Variants in DENND1A observed in about 807,000 individuals in gnomAD.
The protein encoded by DENND1A is DENN domain-containing protein 1A.
Under a neutral mutation model 113.7 loss-of-function variants are expected in DENND1A, and 51 were observed. That is an observed-to-expected ratio of 0.45 (90% CI 0.36 to 0.57). The LOEUF is 0.57. Among genes scored for constraint, DENND1A ranks in the 20% least tolerant of loss-of-function variants. The probability of loss-of-function intolerance (pLI) is 0.00; values close to 1 mark genes in which losing one functional copy is unlikely to be tolerated. For missense variants in DENND1A, 1,258 were observed against 1,395.9 expected (o/e 0.90, Z 1.57); for synonymous variants, 565 against 570.8 (o/e 0.99, Z 0.14).
intron 5 of DENND1A, among the ~76,000 whole-genome samples, chr9:123,750,393 T>G (rs1017121707): frequency 6.6e-6 from 1 of 152,182 alleles, no homozygotes; most frequent in East Asian, 1.9e-4. Context: ...TCCCACAAAC[T>G]GATGTTCTGA....
intron 11 of DENND1A, among the ~76,000 whole-genome samples, chr9:123,583,506 G>A (rs2059021684): frequency 6.6e-6 from 1 of 152,148 alleles, no homozygotes; most frequent in Non-Finnish European, 1.5e-5. Flanking sequence ...GTTCACAGAG[G>A]CTCAGTAACA....
At chr9:123,798,433 T>G (rs1371129793) in intron 2 of DENND1A, 1 of 152,158 alleles carries the variant, frequency 6.6e-6, no homozygotes, top group African/African-American at 2.4e-5. Context: ...ACCAATTAAG[T>G]GAATCAACAA....
chr9:123,766,756 T>C, intron 4 of DENND1A, among the ~76,000 whole-genome samples: 1 of 152,230 alleles, frequency 6.6e-6, no homozygotes. Flanking sequence ...TGAGATAATA[T>C]ATGAGGAAGC....
At chr9:123,493,497 C>T (rs1221401135) in intron 13 of DENND1A, among the ~76,000 whole-genome samples, 2 of 152,146 alleles carry the variant, frequency 1.3e-5, no homozygotes, top group Non-Finnish European at 1.5e-5. Flanking sequence ...GCCCAGAGAG[C>T]GGGGCCATCA....
chr9:123,763,446 G>C (rs2071212953), intron 4 of DENND1A, among the ~76,000 whole-genome samples: 1 of 152,182 alleles, frequency 6.6e-6, no homozygotes, highest in African/African-American at 2.4e-5. Flanking sequence ...AGATCCAAGA[G>C]TTCCATTTGG....
intron 9 of DENND1A, among the ~76,000 whole-genome samples, chr9:123,641,069 T>A (rs975332746): frequency 6.6e-6 from 1 of 152,176 alleles, no homozygotes; most frequent in Non-Finnish European, 1.5e-5. Context: ...GATTTCATGG[T>A]CTAACCTCAT....
chr9:123,470,563 T>C (rs73575569), intron 13 of DENND1A, among the ~76,000 whole-genome samples: 15,186 of 152,118 alleles, frequency 0.1, 818 homozygotes, highest in African/African-American at 0.11. Context: ...AGCAACAGAA[T>C]CTATCTGAAA....
intron 13 of DENND1A, among the ~76,000 whole-genome samples, chr9:123,470,894 T>C (rs1158541272): frequency 6.6e-6 from 1 of 152,176 alleles, no homozygotes; most frequent in Non-Finnish European, 1.5e-5. Flanking sequence ...GAGTCTCTGG[T>C]GTTGAAACGG....
At chr9:123,592,923 T>A (rs149644166) in intron 11 of DENND1A, among the ~76,000 whole-genome samples, 85 of 152,344 alleles carry the variant, frequency 5.6e-4, no homozygotes, top group African/African-American at 1.9e-3. Flanking sequence ...AGTTAATATA[T>A]GTGTAATACC....
chr9:123,578,866 T>TTG (rs991336939), intron 12 of DENND1A, among the ~76,000 whole-genome samples: 4 of 151,338 alleles, frequency 2.6e-5, no homozygotes, highest in South Asian at 2.1e-4. Context: ...GTGCATGTGT[T>TTG]TGTGTGTGTG....
At chr9:123,465,516 A>T (rs368594599) in intron 13 of DENND1A, among the ~76,000 whole-genome samples, 2 of 152,158 alleles carry the variant, frequency 1.3e-5, no homozygotes, top group Admixed American at 6.5e-5. Context: ...CAATTATACA[A>T]TGCCAACCTA....
At chr9:123,433,037 A>G (rs2046252817) in intron 19 of DENND1A, among the ~76,000 whole-genome samples, 2 of 152,244 alleles carry the variant, frequency 1.3e-5, no homozygotes, top group African/African-American at 4.8e-5. Flanking sequence ...GGTAGGAGGC[A>G]GTGTCAGCAA....
rs116393267 is a variant in DENND1A at position 123,505,392 on chromosome 9, T to C, written c.994-47495A>G. ...CTTATTTCTTCTTTAAACAATGGATTGCGAAGTGGGATTCACAAGCACCCT... is the reference window on the plus strand; with the variant it reads ...CTTATTTCTTCTTTAAACAATGGATCGCGAAGTGGGATTCACAAGCACCCT... On this transcript the variant is annotated intron_variant, in intron 13 of 23. Coordinates refer to ENST00000394215, the MANE Select transcript of DENND1A (RefSeq NM_001352964.2). Among the ~76,000 whole-genome samples the C allele has an allele frequency of 1.5e-3, 229 of 152,328 alleles. 1 individual carries two copies. Among genetic ancestry groups the C allele is most frequent in the African/African-American group, 5.4e-3 (226 of 41,572 alleles).
intron 2 of DENND1A, among the ~76,000 whole-genome samples, chr9:123,799,468 A>T (rs1016589195): frequency 6.6e-6 from 1 of 152,140 alleles, no homozygotes; most frequent in African/African-American, 2.4e-5. Flanking sequence ...AGCAGGTACC[A>T]TGGGGCTTGG....
chr9:123,528,204 G>A lies in DENND1A; in HGVS notation c.993+29366C>T, dbSNP rs74927503. 1.7e-3 allele frequency among the ~76,000 whole-genome samples: 261 copies of A among 152,268 alleles called. 1 individual carries two copies. Among genetic ancestry groups the A allele is most frequent in the African/African-American group, 6.0e-3 (251 of 41,556 alleles). ...CAAAGCTATTCTCTGCAAAGGAGCCGATTCCTCCAAAGACATTAAATTAGA... is the reference window on the plus strand; with the variant it reads ...CAAAGCTATTCTCTGCAAAGGAGCCAATTCCTCCAAAGACATTAAATTAGA... On this transcript the variant is annotated intron_variant, in intron 13 of 23. Coordinates refer to ENST00000394215, the MANE Select transcript of DENND1A (RefSeq NM_001352964.2).
chr9:123,923,671 T>C (rs1265615393), intron 1 of DENND1A, among the ~76,000 whole-genome samples: 2 of 152,222 alleles, frequency 1.3e-5, no homozygotes, highest in East Asian at 3.9e-4. Flanking sequence ...TTTCAAGTCA[T>C]ATAACTTCCA....
At chr9:123,453,110 C>G (rs2047857410) in intron 16 of DENND1A, among the ~76,000 whole-genome samples, 1 of 152,216 alleles carries the variant, frequency 6.6e-6, no homozygotes, top group African/African-American at 2.4e-5. Flanking sequence ...ATCCATTTCT[C>G]AGTCTCATCC....
At chr9:123,541,634 C>A (rs949308062) in intron 13 of DENND1A, among the ~76,000 whole-genome samples, 4 of 152,136 alleles carry the variant, frequency 2.6e-5, no homozygotes, top group Non-Finnish European at 4.4e-5. Flanking sequence ...CTAACAGGGA[C>A]CAGCAAGCCA....
chr9:123,400,198 A>G (rs533475741), intron 21 of DENND1A: 13 of 152,376 alleles, frequency 8.5e-5, no homozygotes, highest in Non-Finnish European at 1.8e-4. Context: ...TCTTCTTCCA[A>G]TTGCCAACGG....
Sources: gnomAD v4.1 joint callset for allele counts (sites outside exome capture counted in the v4.1 genomes callset) on GRCh38, gnomAD v4.1.1 for gene constraint, MANE v1.5 for transcripts, NCBI Gene and HGNC (gene_info 2026-07-23, HGNC 2026-07-21) for gene names.